PSMA8: variants seen among roughly 807,000 people sequenced by gnomAD.
PSMA8 encodes proteasome subunit alpha-type 8.
In PSMA8, 18 loss-of-function variants were observed where a neutral mutation model predicts 32.4. That is an observed-to-expected ratio of 0.56 (90% confidence interval 0.38 to 0.82). PSMA8 has a LOEUF of 0.82. PSMA8 is among the 40% of genes least tolerant of loss of function. The probability of loss-of-function intolerance (pLI) is 0.00; values close to 1 mark genes in which losing one functional copy is unlikely to be tolerated. For missense variants in PSMA8, 298 were observed against 300.7 expected (o/e 0.99, Z 0.07); for synonymous variants, 104 against 98.1 (o/e 1.06, Z -0.36).
chr18:26,168,465 T>G (rs2055196872), intron 4 of PSMA8, among the ~76,000 whole-genome samples: 1 of 121,270 alleles, frequency 8.2e-6, no homozygotes, highest in East Asian at 2.4e-4. Context: ...CTAGAATGAT[T>G]GCCTAACCAA....
chr18:26,159,741 G>T (rs1012201544), intron 4 of PSMA8, among the ~76,000 whole-genome samples: 6 of 151,766 alleles, frequency 4.0e-5, no homozygotes, highest in Non-Finnish European at 8.8e-5. Flanking sequence ...TGATCATCTT[G>T]GTCTGAAACT....
At chr18:26,138,306 A>G (rs903880985) in intron 1 of PSMA8, among the ~76,000 whole-genome samples, 2 of 152,208 alleles carry the variant, frequency 1.3e-5, no homozygotes, top group Middle Eastern at 3.2e-3. Context: ...AGCCAATGAT[A>G]AGTTCACCCT....
intron 4 of PSMA8, among the ~76,000 whole-genome samples, chr18:26,176,000 G>A (rs1002728198): frequency 6.6e-6 from 1 of 152,158 alleles, no homozygotes; most frequent in African/African-American, 2.4e-5. Context: ...CACAAAGGAA[G>A]AATGGATATT....
intron 3 of PSMA8, among the ~76,000 whole-genome samples, chr18:26,154,940 T>C (rs1052639468): frequency 5.3e-5 from 8 of 151,838 alleles, no homozygotes; most frequent in South Asian, 2.1e-4. Flanking sequence ...AGAAAATGAT[T>C]CATTAGTCTA....
intron 2 of PSMA8, among the ~76,000 whole-genome samples, chr18:26,149,041 C>A (rs1315537908): frequency 6.6e-6 from 1 of 152,036 alleles, no homozygotes; most frequent in African/African-American, 2.4e-5. Context: ...CAGGATCTCA[C>A]TATGTTGCCC....
At position 26,156,551 on chromosome 18, in the gene PSMA8, T is replaced by A. The variant is rs943399732; in HGVS notation, c.355-1571T>A. 2.0e-5 allele frequency among the ~76,000 whole-genome samples: 3 copies of A among 151,974 alleles called. No individual in the cohort carries two copies. The South Asian group carries it at 6.2e-4, about 32-fold the overall frequency. On this transcript the variant is annotated intron_variant, in intron 3 of 6. Transcript: ENST00000415576. ...AGGACATTGTGTTATGTAAAATAAG[T>A]CATGCAGAGGAAGACAAATACTGCA... is the stretch of plus-strand genomic sequence containing the variant.
chr18:26,177,382 G>A (rs1450723760), intron 4 of PSMA8, among the ~76,000 whole-genome samples: 1 of 152,154 alleles, frequency 6.6e-6, no homozygotes, highest in Non-Finnish European at 1.5e-5. Context: ...TATTGAGAAA[G>A]CCTATTTTAA....
chr18:26,146,072 T>TTAAAAATAAAA (rs2055000487), intron 2 of PSMA8, among the ~76,000 whole-genome samples: 1 of 152,202 alleles, frequency 6.6e-6, no homozygotes, highest in Non-Finnish European at 1.5e-5. Flanking sequence ...TATCTAATTG[T>TTAAAAATAAAA]AAGTTTAATT....
intron 6 of PSMA8, among the ~76,000 whole-genome samples, chr18:26,191,650 A>G (rs1272835888): frequency 6.6e-6 from 1 of 151,846 alleles, no homozygotes; most frequent in Non-Finnish European, 1.5e-5. Context: ...AAAAAAAAAG[A>G]AAAAGAAAAT....
At chr18:26,187,712 G>A (rs2144361233) in intron 6 of PSMA8, among the ~76,000 whole-genome samples, 1 of 152,072 alleles carries the variant, frequency 6.6e-6, no homozygotes, top group East Asian at 1.9e-4. Context: ...TGATAAAGGG[G>A]TCAGTTCAGC....
intron 1 of PSMA8, among the ~76,000 whole-genome samples, chr18:26,143,430 TG>T (rs148234235): frequency 8.3e-4 from 126 of 152,312 alleles, no homozygotes; most frequent in African/African-American, 2.9e-3. Context: ...CAGCCACCTG[TG>T]ATCCTGAACT....
chr18:26,183,096 AAAAC>A (rs2144352451), intron 6 of PSMA8, among the ~76,000 whole-genome samples: 1 of 147,198 alleles, frequency 6.8e-6, no homozygotes, highest in Non-Finnish European at 1.5e-5. Flanking sequence ...TGTCTCAAAA[AAAAC>A]AAACAAAAAG....
At chr18:26,139,402 A>G (rs1025374468) in intron 1 of PSMA8, among the ~76,000 whole-genome samples, 1 of 152,244 alleles carries the variant, frequency 6.6e-6, no homozygotes, top group Non-Finnish European at 1.5e-5. Flanking sequence ...CTAGAGATGC[A>G]TGCAGCACTG....
At chr18:26,165,449 C>A (rs2055170603) in intron 4 of PSMA8, among the ~76,000 whole-genome samples, 1 of 151,814 alleles carries the variant, frequency 6.6e-6, no homozygotes, top group Non-Finnish European at 1.5e-5. Flanking sequence ...TAAATTTTTC[C>A]AAAATAAAAA....
At chr18:26,178,762 C>A in intron 4 of PSMA8, 68 bp from the exon 5 acceptor site, 1 of 1,444,564 alleles carries the variant, frequency 6.9e-7, no homozygotes, top group Non-Finnish European at 9.5e-7. Flanking sequence ...AACCTCTAAA[C>A]TTTACTTAGT....
Position 26,178,935 on chromosome 18 carries a change from A to G in PSMA8, c.583A>G (p.Lys195Glu). The G allele has an allele frequency of 4.3e-6, 7 of 1,613,016 alleles. No homozygotes were observed. The highest frequency in any genetic ancestry group is 2.2e-5 in the South Asian group (2 of 90,644). The stretch of plus-strand genomic sequence containing the variant: ...CAGTGAAGCTATCAAGTTAGCAATA[A>G]AAGCTTTGCTAGAAGTAAGTGATCT... ...SDSEAIKLAI[K>E]ALLEVVQSGG... Residue 195 changes from lysine to glutamate, a missense_variant, in exon 5 of 7, where the codon AAA (lysine) becomes GAA (glutamate). By Grantham distance (56) the Lys-to-Glu change is moderately conservative (BLOSUM62 1). Transcript: ENST00000415576.
Position 26,142,282 on chromosome 18 carries a change from A to T in PSMA8, c.103-2277A>T, listed in dbSNP as rs373078522. Among the ~76,000 whole-genome samples the T allele has an allele frequency of 1.4e-4, 22 of 151,914 alleles. No individual in the cohort carries two copies. In the East Asian group the frequency reaches 3.7e-3, roughly 25 times the overall value. On this transcript the variant is annotated intron_variant, in intron 1 of 6. Transcript: ENST00000415576. ...TCTCTATCTCCTGACCTCGTGATCC[A>T]CCCACCTCGGCCTCCCCAATAATGC...
At chr18:26,140,115 T>C (rs1236425719) in intron 1 of PSMA8, 1 of 703,034 alleles carries the variant, frequency 1.4e-6, no homozygotes, top group Admixed American at 2.0e-5. Context: ...AAAAAGTAAG[T>C]ACCTCTTCAG....
At chr18:26,150,398 C>T (rs1405845972) in intron 2 of PSMA8, among the ~76,000 whole-genome samples, 1 of 151,590 alleles carries the variant, frequency 6.6e-6, no homozygotes, top group East Asian at 1.9e-4. Context: ...AGTACAGTGG[C>T]ACGATCATAG....
Sources: gnomAD v4.1 joint callset for allele counts (sites outside exome capture counted in the v4.1 genomes callset) on GRCh38, gnomAD v4.1.1 for gene constraint, MANE v1.5 for transcripts, NCBI Gene and HGNC (gene_info 2026-07-23, HGNC 2026-07-21) for gene names.